The following EXD1 variants were observed in gnomAD, a reference collection of about 807,000 sequenced individuals.
The protein encoded by EXD1 is exonuclease 3'-5' domain containing 1, also known as piRNA biogenesis protein EXD1.
In EXD1, 63 loss-of-function variants were observed where a neutral mutation model predicts 49.1. The ratio of observed to expected loss-of-function variants is 1.28; its 90% CI spans 1.05 to 1.58. EXD1 has a LOEUF of 1.58. Among genes scored for constraint, EXD1 ranks in the 40% most tolerant of loss-of-function variants. The pLI is 0.00. For missense variants in EXD1, 748 were observed against 666.0 expected, an observed-to-expected ratio of 1.12 and a Z score of -1.36; for synonymous variants, 234 against 239.2, an observed-to-expected ratio of 0.98 and a Z score of 0.20.
At chr15:41,209,618 T>C (rs1382178150) in intron 6 of EXD1, 31 bp from the exon 7 acceptor site, 3 of 1,588,426 alleles carry the variant, frequency 1.9e-6, no homozygotes, top group South Asian at 2.2e-5. Flanking sequence ...AGGAAAAACT[T>C]TCAGGGAATA....
chr15:41,230,145 G>A (rs1315857532), intron 1 of EXD1, among the ~76,000 whole-genome samples: 1 of 139,580 alleles, frequency 7.2e-6, no homozygotes, highest in African/African-American at 2.7e-5. Flanking sequence ...GAGCAATGCC[G>A]CGATCTCGGC....
chr15:41,217,228 C>A, intron 3 of EXD1, 74 bp from the exon 4 acceptor site: 2 of 1,260,310 alleles, frequency 1.6e-6, no homozygotes, highest in Non-Finnish European at 2.3e-6. Context: ...ACCCACACAC[C>A]CCTAGTTTAA....
chr15:41,209,391 CAG>C, intron 7 of EXD1, 108 bp downstream of exon 7: 1 of 893,932 alleles, frequency 1.1e-6, no homozygotes, highest in Non-Finnish European at 1.7e-6. Context: ...GCCTCAGTGA[CAG>C]AGTGAGATCC....
chr15:41,189,705 T>C (rs889952974), intron 11 of EXD1, among the ~76,000 whole-genome samples: 2 of 150,984 alleles, frequency 1.3e-5, no homozygotes, highest in African/African-American at 4.9e-5. Flanking sequence ...AAAATAAAAA[T>C]ATGGAAATAT....
intron 2 of EXD1, 96 bp from the exon 3 acceptor site, chr15:41,219,994 AT>A (rs1268051422): frequency 8.4e-6 from 7 of 828,404 alleles, no homozygotes; most frequent in South Asian, 3.7e-5. Context: ...TCTGAGTTGT[AT>A]TTAAAAAAAA....
intron 1 of EXD1, among the ~76,000 whole-genome samples, chr15:41,228,565 AC>A (rs2140912465): frequency 6.6e-6 from 1 of 152,314 alleles, no homozygotes; most frequent in African/African-American, 2.4e-5. Flanking sequence ...ATGCATCCAA[AC>A]AGAACATAAA....
intron 1 of EXD1, among the ~76,000 whole-genome samples, chr15:41,227,162 G>T (rs1420675056): frequency 6.6e-6 from 1 of 152,172 alleles, no homozygotes; most frequent in Non-Finnish European, 1.5e-5. Flanking sequence ...AGGAATTAAA[G>T]GAAATCAAGG....
intron 1 of EXD1, among the ~76,000 whole-genome samples, chr15:41,226,984 A>T (rs2047173098): frequency 6.6e-6 from 1 of 152,238 alleles, no homozygotes; most frequent in Non-Finnish European, 1.5e-5. Context: ...AAAAATTGAC[A>T]TACATAGAAA....
At chr15:41,184,801 C>G (rs2046382873) in intron 11 of EXD1, among the ~76,000 whole-genome samples, 1 of 152,004 alleles carries the variant, frequency 6.6e-6, no homozygotes, top group African/African-American at 2.4e-5. Context: ...ACTACAGGCG[C>G]CTGCCACCAC....
intron 11 of EXD1, among the ~76,000 whole-genome samples, chr15:41,188,803 C>CTT (rs112364138): frequency 1.7e-4 from 19 of 110,490 alleles, no homozygotes; most frequent in East Asian, 7.5e-4. Context: ...TTTCTTTCTT[C>CTT]TTTTTTTTTT....
intron 9 of EXD1, among the ~76,000 whole-genome samples, 172 bp downstream of exon 9, chr15:41,195,603 C>A (rs1399009544): frequency 6.6e-6 from 1 of 151,392 alleles, no homozygotes; most frequent in Non-Finnish European, 1.5e-5. Context: ...TTATAGAACA[C>A]CAAATGTTCT....
intron 6 of EXD1, among the ~76,000 whole-genome samples, chr15:41,213,958 CT>C (rs1333117276): frequency 6.6e-6 from 1 of 152,022 alleles, no homozygotes; most frequent in East Asian, 1.9e-4. Flanking sequence ...AAAAAACAAC[CT>C]GTTGTTGACC....
At chr15:41,217,753 C>T (rs1279408730) in intron 3 of EXD1, among the ~76,000 whole-genome samples, 2 of 152,028 alleles carry the variant, frequency 1.3e-5, no homozygotes, top group East Asian at 3.9e-4. Flanking sequence ...CCAGGCTGGT[C>T]TCAATCTCTT....
intron 7 of EXD1, among the ~76,000 whole-genome samples, chr15:41,209,093 C>T (rs1300309766): frequency 6.6e-6 from 1 of 152,006 alleles, no homozygotes; most frequent in African/African-American, 2.4e-5. Flanking sequence ...AGTTATGCAA[C>T]AATGACACTA....
At chr15:41,204,499 C>T (rs1326527141) in intron 7 of EXD1, among the ~76,000 whole-genome samples, 1 of 152,092 alleles carries the variant, frequency 6.6e-6, no homozygotes, top group Non-Finnish European at 1.5e-5. Context: ...TGCAGTGAGC[C>T]AAGATGGTGC....
chr15:41,217,596 C>A (rs768335320), intron 3 of EXD1, among the ~76,000 whole-genome samples: 7 of 147,630 alleles, frequency 4.7e-5, no homozygotes, highest in Non-Finnish European at 1.0e-4. Context: ...AGAGGTGCGA[C>A]CTCAGCTCAC....
intron 10 of EXD1, among the ~76,000 whole-genome samples, chr15:41,191,077 G>A (rs2046507261): frequency 6.6e-6 from 1 of 151,988 alleles, no homozygotes. Flanking sequence ...ACAGACACCT[G>A]CCACCATGCC....
In EXD1 at chr15:41,205,212, C is replaced by T. The variant is rs138025035; in HGVS notation, c.534+4289G>A. 1.4e-3 allele frequency among the ~76,000 whole-genome samples: 210 copies of T among 152,226 alleles called. 6 individuals carry two copies. The East Asian group carries it at 0.035, about 25-fold the overall frequency. On this transcript the variant is annotated intron_variant, in intron 7 of 11. Coordinates refer to ENST00000458580, the MANE Select transcript of EXD1 (RefSeq NM_001286441.2). The stretch of plus-strand genomic sequence containing the variant: ...TACAGAAGGCAAAGGGAAAATTTTC[C>T]CTTGGCCCCTGCATCTTGCAGCTTC...
rs985495249 is a variant in EXD1, at chr15:41,219,826, T to G, written c.202+4A>C. The G allele has an allele frequency of 1.0e-5, 16 of 1,534,694 alleles. No individual in the cohort carries two copies. The highest frequency in any genetic ancestry group is 1.4e-5 in the African/African-American group (1 of 72,986). On this transcript the variant is annotated splice_donor_region_variant and intron_variant, in intron 3 of 11. Coordinates refer to ENST00000458580, the MANE Select transcript of EXD1 (RefSeq NM_001286441.2). Reference sequence around the variant, plus strand: ...AGCATTTTCAAGGAACATGGGGGTCTCACCATTCACAATCTCATGCCCAAA... The same window carrying G: ...AGCATTTTCAAGGAACATGGGGGTCGCACCATTCACAATCTCATGCCCAAA...
Sources: gnomAD v4.1 joint callset for allele counts (sites outside exome capture counted in the v4.1 genomes callset) on GRCh38, gnomAD v4.1.1 for gene constraint, MANE v1.5 for transcripts, NCBI Gene and HGNC (gene_info 2026-07-23, HGNC 2026-07-21) for gene names.